The following SEC23IP variants were observed in gnomAD, a reference collection of about 807,000 sequenced individuals.
SEC23IP encodes the protein SEC23 interacting protein.
A neutral mutation model predicts 113.4 loss-of-function variants in SEC23IP; 70 were observed. The observed-to-expected ratio is 0.62, with a 90% CI of 0.51 to 0.75. The LOEUF (loss-of-function observed/expected upper bound fraction) is 0.75, where lower values mean the gene tolerates loss of function less well. Among genes scored for constraint, SEC23IP ranks in the 30% least tolerant of loss-of-function variants. The pLI, the probability that SEC23IP is intolerant of heterozygous loss-of-function variation, is 0.00. For missense variants in SEC23IP, 1,160 were observed against 1,204.9 expected, an observed-to-expected ratio of 0.96 and a Z score of 0.55; for synonymous variants, 398 against 421.0, an observed-to-expected ratio of 0.95 and a Z score of 0.67.
rs1259361897 is a variant in SEC23IP, at chr10:119,918,416, CT to C, written c.1778del (p.Leu593ArgfsTer7). ...AGGTTCTTTAATATTGTTTGACATC[CT>C]GTCTAATCAAAAAGATTTGAATTTA... ...SLGSLILFDILSNQKDLNLSK... is the reference protein window; with the variant it reads ...SLGSLILFDIXSNQKDLNLSK... On this transcript the variant is annotated frameshift_variant, in exon 10 of 19. Transcript: ENST00000369075. LOFTEE classifies it high-confidence loss of function. 1 of 1,608,576 alleles carries C rather than the reference CT, an allele frequency of 6.2e-7. No individual in the cohort carries two copies. Among genetic ancestry groups the C allele is most frequent in the Non-Finnish European group, 8.5e-7 (1 of 1,175,232 alleles).
chr10:119,930,868 G>A (rs1183584619), intron 15 of SEC23IP, among the ~76,000 whole-genome samples: 1 of 152,236 alleles, frequency 6.6e-6, no homozygotes, highest in African/African-American at 2.4e-5. Flanking sequence ...GTGATTCCAA[G>A]TTGAATTTAG....
In SEC23IP at chr10:119,914,789, GACTTAC is replaced by G. The variant is rs773331548; in HGVS notation, c.1373_1378del (p.Asp458_Arg460delinsGly). ...GGTGCATGGCATTGGACCTGTGTGT[GACTTAC>G]GCTTTAGGAGCATTATTGAGTGTGG... is the stretch of plus-strand genomic sequence containing the variant. On this transcript the variant is annotated inframe_deletion, in exon 7 of 19. Coordinates refer to ENST00000369075, the MANE Select transcript of SEC23IP (RefSeq NM_007190.4). 3 of 1,614,160 alleles carry G rather than the reference GACTTAC, an allele frequency of 1.9e-6. No homozygotes were observed. The Admixed American group carries it at 5.0e-5, about 27-fold the overall frequency.
At chr10:119,894,068 C>T (rs1032407371) in intron 1 of SEC23IP, among the ~76,000 whole-genome samples, 5 of 152,286 alleles carry the variant, frequency 3.3e-5, no homozygotes, top group African/African-American at 1.2e-4. Context: ...CTCTGTGCTT[C>T]AGTTTCTATG....
chr10:119,917,340 C>A (rs1371297080), intron 8 of SEC23IP, among the ~76,000 whole-genome samples: 1 of 151,804 alleles, frequency 6.6e-6, no homozygotes, highest in Non-Finnish European at 1.5e-5. Flanking sequence ...GCTGGGTGTA[C>A]AGGTGTGTGC....
chr10:119,912,000 G>A (rs1375407810), intron 5 of SEC23IP, 44 bp from the exon 6 acceptor site: 6 of 1,610,436 alleles, frequency 3.7e-6, no homozygotes, highest in African/African-American at 1.3e-5. Context: ...TAGTGGAAAA[G>A]AATTTGTTAA....
rs759879405 is a variant in SEC23IP, at chr10:119,915,893, T to G, written c.1544+4T>G. 4.3e-5 allele frequency: 63 copies of G among 1,479,384 alleles called. No individual in the cohort carries two copies. Among genetic ancestry groups the G allele is most frequent in the Non-Finnish European group, 5.7e-5 (63 of 1,108,518 alleles). The allele number at this position is 1,479,384 out of a possible 1,614,324, so 91.6% of individuals were successfully genotyped here. A position where few individuals can be genotyped will look rare whatever the true frequency, so the allele number is the denominator to read the frequency against. ...GGGACGCCACAGGTGTGGACAGGTT[T>G]GTGGATTTTGATAACTTGTTTTTCA... On this transcript the variant is annotated splice_donor_region_variant and intron_variant, in intron 8 of 18. Coordinates refer to ENST00000369075, the MANE Select transcript of SEC23IP (RefSeq NM_007190.4).
chr10:119,892,782 C>A lies in SEC23IP; in HGVS notation c.-1C>A. 1 of 1,607,212 alleles carries A rather than the reference C, an allele frequency of 6.2e-7. No individual in the cohort carries two copies. On this transcript the variant is annotated 5_prime_UTR_variant, in exon 1 of 19. Transcript: ENST00000369075. ...CGTGTATCGGACGGTGGGCCGCAGC[C>A]ATGGCCGAGAGAAAACCTAACGGTG...
In SEC23IP at chr10:119,898,829, G is replaced by A. The variant is rs36069446; in HGVS notation, c.566G>A (p.Ser189Asn). 205 of 1,613,862 alleles carry A rather than the reference G, an allele frequency of 1.3e-4. 2 individuals carry two copies. In the African/African-American group the frequency reaches 2.5e-3, roughly 20 times the overall value. Residue 189 changes from serine to asparagine, a missense_variant, in exon 2 of 19, where the codon AGC (serine) becomes AAC (asparagine). Ser to Asn is a conservative substitution (Grantham distance 46). Coordinates refer to ENST00000369075, the MANE Select transcript of SEC23IP (RefSeq NM_007190.4). Reference sequence around the variant, plus strand: ...AATCCATATCGCCATACCCCTGGCAGCAGCAGGGCTAATCCTTACATTGCA... The same window carrying A: ...AATCCATATCGCCATACCCCTGGCAACAGCAGGGCTAATCCTTACATTGCA... The part of the protein sequence containing the change: ...GYNPYRHTPG[S>N]SRANPYIAPP...
intron 7 of SEC23IP, among the ~76,000 whole-genome samples, chr10:119,915,481 G>T (rs1854063416): frequency 6.6e-6 from 1 of 152,124 alleles, no homozygotes; most frequent in Non-Finnish European, 1.5e-5. Flanking sequence ...TCCCCAAGGT[G>T]CCACGCTACC....
rs769225542 is a variant in SEC23IP, at chr10:119,929,701, A to G, written c.2408A>G (p.Asp803Gly). ...IAMFLTIRGVDRIDENYSLPT... is the reference protein window; with the variant it reads ...IAMFLTIRGVGRIDENYSLPT... ...ATGTTTCTCACTATTCGAGGAGTTGATAGGATAGATGAGAATTACAGCCTT... is the reference window on the plus strand; with the variant it reads ...ATGTTTCTCACTATTCGAGGAGTTGGTAGGATAGATGAGAATTACAGCCTT... Residue 803 changes from aspartate to glycine, a missense_variant, in exon 14 of 19, where the codon GAT becomes GGT. Asp to Gly is a moderately conservative substitution (Grantham distance 94, BLOSUM62 -1). Coordinates refer to ENST00000369075, the MANE Select transcript of SEC23IP (RefSeq NM_007190.4). The G allele has an allele frequency of 1.2e-6, 2 of 1,601,440 alleles. No individual in the cohort carries two copies. Among genetic ancestry groups the G allele is most frequent in the South Asian group, 2.2e-5 (2 of 90,818 alleles).
At chr10:119,898,182 A>C (rs1438948761) in intron 1 of SEC23IP, 1 of 508,226 alleles carries the variant, frequency 2.0e-6, no homozygotes, top group Admixed American at 4.2e-5. Flanking sequence ...TGTCTCTGGC[A>C]GGTGGGCTTA....
chr10:119,927,372 T>A (rs1211913814), intron 13 of SEC23IP, among the ~76,000 whole-genome samples: 1 of 152,220 alleles, frequency 6.6e-6, no homozygotes, highest in Non-Finnish European at 1.5e-5. Context: ...GCCACACAGT[T>A]CTGCAGAGCA....
At chr10:119,909,708 G>A (rs376818564) in intron 5 of SEC23IP, among the ~76,000 whole-genome samples, 1 of 152,062 alleles carries the variant, frequency 6.6e-6, no homozygotes, top group African/African-American at 2.4e-5. Flanking sequence ...ACCAGCCTGG[G>A]AAACAAAGAG....
intron 4 of SEC23IP, among the ~76,000 whole-genome samples, chr10:119,907,146 A>G (rs907116512): frequency 3.3e-5 from 5 of 151,762 alleles, no homozygotes; most frequent in Non-Finnish European, 7.4e-5. Context: ...AAAATACAAA[A>G]TTAGCCAGGT....
intron 4 of SEC23IP, among the ~76,000 whole-genome samples, chr10:119,908,563 A>T (rs554983590): frequency 6.6e-6 from 1 of 152,204 alleles, no homozygotes; most frequent in Non-Finnish European, 1.5e-5. Flanking sequence ...ATCCCATATG[A>T]TGATGGAGGC....
Position 119,918,434 on chromosome 10 carries a change from T to G in SEC23IP, c.1795T>G (p.Leu599Val). The G allele has an allele frequency of 6.2e-7, 1 of 1,613,254 alleles. No individual in the cohort carries two copies. Among genetic ancestry groups the G allele is most frequent in the East Asian group, 2.2e-5 (1 of 44,860 alleles). The change falls in exon 10 of 19, where the codon TTG (leucine) becomes GTG (valine). Residue 599 changes from leucine to valine, a missense_variant. Leu to Val is a conservative substitution (Grantham distance 32). Transcript: ENST00000369075. Reference protein sequence around the residue: ...LFDILSNQKDLNLSKCPGPLA... With the variant: ...LFDILSNQKDVNLSKCPGPLA... ...TGACATCCTGTCTAATCAAAAAGAT[T>G]TGAATTTATCAAAGTGCCCTGGACC... is the stretch of plus-strand genomic sequence containing the variant.
Position 119,892,731 on chromosome 10 carries a change from G to A in SEC23IP, c.-52G>A. 1 of 1,541,952 alleles carries A rather than the reference G, an allele frequency of 6.5e-7. No homozygotes were observed. ...CAGGAGCGTGATCGGTTTCCGGTCA[G>A]TGGTGTGGTACCGGGTACCCGGAGA... On this transcript the variant is annotated 5_prime_UTR_variant, in exon 1 of 19. In the 5' UTR this introduces an upstream ATG that the reference lacks. Coordinates refer to ENST00000369075, the MANE Select transcript of SEC23IP (RefSeq NM_007190.4).
intron 18 of SEC23IP, among the ~76,000 whole-genome samples, chr10:119,934,952 C>T (rs955789635): frequency 6.6e-6 from 1 of 152,132 alleles, no homozygotes; most frequent in Non-Finnish European, 1.5e-5. Flanking sequence ...GCCTGGCCAA[C>T]ATAGTGAAAC....
chr10:119,919,726 A>G, intron 11 of SEC23IP, 130 bp downstream of exon 11: 3 of 709,284 alleles, frequency 4.2e-6, no homozygotes, highest in Non-Finnish European at 6.3e-6. Flanking sequence ...TAAAAAATTG[A>G]AAAACACAGA....
Sources: gnomAD v4.1 joint callset for allele counts (sites outside exome capture counted in the v4.1 genomes callset) on GRCh38, gnomAD v4.1.1 for gene constraint, MANE v1.5 for transcripts, NCBI Gene and HGNC (gene_info 2026-07-23, HGNC 2026-07-21) for gene names.